Variants in IL1RAPL2 observed in about 807,000 individuals in gnomAD.
The protein encoded by IL1RAPL2 is X-linked interleukin-1 receptor accessory protein-like 2.
IL1RAPL2 carries 3 observed loss-of-function variants against 44.1 expected under a neutral mutation model. The observed-to-expected ratio is 0.07, with a 90% CI of 0.03 to 0.18. The LOEUF (loss-of-function observed/expected upper bound fraction) is 0.18. IL1RAPL2 is among the 10% of genes least tolerant of loss of function. The pLI is 1.00. For missense variants in IL1RAPL2, 391 were observed against 496.4 expected (o/e 0.79, Z 2.02); for synonymous variants, 181 against 178.8 (o/e 1.01, Z -0.10).
chrX:105,447,108 A>ATATATATAT lies in IL1RAPL2; in HGVS notation c.698-37205_698-37204insTATATATAT, dbSNP rs2035963967. 2.1e-3 allele frequency among the ~76,000 whole-genome samples: 43 copies of ATATATATAT among 20,585 alleles called. 2 individuals are homozygous for ATATATATAT. The highest frequency in any genetic ancestry group is 6.2e-3 in the African/African-American group (26 of 4,213). The allele number at this position is 20,585 out of a possible 115,157, so 17.9% of individuals were successfully genotyped here. A position where few individuals can be genotyped will look rare whatever the true frequency, so the allele number is the denominator to read the frequency against. ...ATATATATATATATATATATATATA[A>ATATATATAT]AAATATATATAAATATAAATATATA... On this transcript the variant is annotated intron_variant, in intron 5 of 10. Coordinates refer to ENST00000372582, the MANE Select transcript of IL1RAPL2 (RefSeq NM_017416.2).
chrX:105,076,686 T>C (rs1299828281), intron 2 of IL1RAPL2, among the ~76,000 whole-genome samples: 1 of 111,450 alleles, frequency 9.0e-6, no homozygotes, highest in Non-Finnish European at 1.9e-5. Context: ...CTAAGTCTCT[T>C]TGTAGGTCAC....
chrX:105,518,196 G>A (rs994365750), intron 6 of IL1RAPL2, among the ~76,000 whole-genome samples: 1 of 110,136 alleles, frequency 9.1e-6, no homozygotes, highest in African/African-American at 3.3e-5. Context: ...ATATAGACTA[G>A]ACTCCTGGGT....
chrX:104,985,058 A>G (rs2030534215), intron 2 of IL1RAPL2, among the ~76,000 whole-genome samples: 1 of 108,531 alleles, frequency 9.2e-6, no homozygotes, highest in African/African-American at 3.3e-5. Context: ...ATTAAAGCAT[A>G]GTGCTTGTTT....
chrX:105,129,718 A>G (rs1473911603), intron 2 of IL1RAPL2, among the ~76,000 whole-genome samples: 1 of 110,617 alleles, frequency 9.0e-6, no homozygotes, highest in African/African-American at 3.3e-5. Flanking sequence ...ATGCAGCCCA[A>G]TACCACAAGC....
chrX:105,462,144 G>A (rs2036097664), intron 5 of IL1RAPL2, among the ~76,000 whole-genome samples: 1 of 110,530 alleles, frequency 9.0e-6, no homozygotes, highest in South Asian at 3.8e-4. Context: ...CTCATTACTG[G>A]GCTGCTTAGT....
At chrX:105,705,689 A>G (rs983727617) in intron 6 of IL1RAPL2, among the ~76,000 whole-genome samples, 1 of 111,919 alleles carries the variant, frequency 8.9e-6, no homozygotes, top group African/African-American at 3.2e-5. Context: ...AAAACAAGTG[A>G]TAAGAAAACT....
intron 2 of IL1RAPL2, among the ~76,000 whole-genome samples, chrX:105,072,742 A>G: frequency 9.0e-6 from 1 of 110,930 alleles, no homozygotes; most frequent in Non-Finnish European, 1.9e-5. Context: ...TGCACCCATC[A>G]ACCAGTCATC....
chrX:105,584,844 A>G (rs1490234296), intron 6 of IL1RAPL2, among the ~76,000 whole-genome samples: 2 of 110,744 alleles, frequency 1.8e-5, no homozygotes, highest in African/African-American at 6.5e-5. Flanking sequence ...TTTTTTTTCA[A>G]TGTTTTTTGT....
chrX:105,572,899 T>G (rs1260532596), intron 6 of IL1RAPL2, among the ~76,000 whole-genome samples: 4 of 112,031 alleles, frequency 3.6e-5, no homozygotes, highest in Admixed American at 9.5e-5. Flanking sequence ...TTGAACATAT[T>G]TTGATATTGT....
intron 4 of IL1RAPL2, among the ~76,000 whole-genome samples, chrX:105,247,603 ATGTG>A (rs10588244): frequency 0.033 from 3,114 of 94,957 alleles, 45 homozygotes; most frequent in African/African-American, 0.048. Flanking sequence ...ATATATATAT[ATGTG>A]TGTGTGTGTG....
chrX:105,685,405 T>G (rs1266036255), intron 6 of IL1RAPL2, among the ~76,000 whole-genome samples: 2 of 112,022 alleles, frequency 1.8e-5, no homozygotes, highest in Non-Finnish European at 3.8e-5. Context: ...GATTTCATGA[T>G]GCATGCGGAA....
At chrX:105,667,566 CCTGA>C (rs2037781048) in intron 6 of IL1RAPL2, among the ~76,000 whole-genome samples, 2 of 111,571 alleles carry the variant, frequency 1.8e-5, no homozygotes, top group South Asian at 3.7e-4. Flanking sequence ...TTGATCAATA[CCTGA>C]CTGAGAATTC....
chrX:105,292,418 ATC>A, intron 5 of IL1RAPL2, among the ~76,000 whole-genome samples: 1 of 112,132 alleles, frequency 8.9e-6, no homozygotes, highest in Non-Finnish European at 1.9e-5. Context: ...ATCGAAGAAG[ATC>A]ATCCACACTT....
intron 5 of IL1RAPL2, among the ~76,000 whole-genome samples, chrX:105,301,918 G>A (rs1271732857): frequency 8.9e-6 from 1 of 111,852 alleles, no homozygotes; most frequent in Non-Finnish European, 1.9e-5. Context: ...CTCTAGATTT[G>A]TCCTTTCAAG....
chrX:105,477,977 G>A (rs939450633), intron 5 of IL1RAPL2, among the ~76,000 whole-genome samples: 8 of 111,047 alleles, frequency 7.2e-5, no homozygotes, highest in African/African-American at 2.6e-4. Context: ...TTTTATTAAT[G>A]GATGTGTGTG....
chrX:105,106,006 G>A (rs926925156), intron 2 of IL1RAPL2, among the ~76,000 whole-genome samples: 3 of 111,425 alleles, frequency 2.7e-5, no homozygotes, highest in Non-Finnish European at 5.6e-5. Flanking sequence ...AAGACAGGTA[G>A]GCAGAATGAA....
At position 105,767,629 on chromosome X, in the gene IL1RAPL2, A is replaced by G. The variant is rs968362416; in HGVS notation, c.2029A>G (p.Lys677Glu). The G allele has an allele frequency of 8.3e-7, 1 of 1,208,466 alleles. No individual in the cohort carries two copies. Among genetic ancestry groups the G allele is most frequent in the Non-Finnish European group, 1.1e-6 (1 of 892,701 alleles). The change falls in exon 11 of 11, where the codon AAA (lysine) becomes GAA (glutamate). Residue 677 changes from lysine (K) to glutamate (E), a missense_variant. Lys to Glu is a moderately conservative substitution (Grantham distance 56, BLOSUM62 1). Around this residue, in one of 2 missense-constraint regions of IL1RAPL2, gnomAD observed 232 missense variants for 244.8 expected, o/e 0.95. Transcript: ENST00000372582. ...CAGTTCTTTGCTGCCTTTATCCTCC[A>G]AAGAGCTTAGCTTTACCAGTGATAT... ...RNSSLLPLSS[K>E]ELSFTSDIW
chrX:104,796,007 G>T (rs1352722761), intron 2 of IL1RAPL2, among the ~76,000 whole-genome samples: 1 of 112,160 alleles, frequency 8.9e-6, no homozygotes, highest in African/African-American at 3.2e-5. Context: ...GTTATGCTAA[G>T]CTCAGCTATA....
At chrX:105,208,144 G>C (rs781904760) in intron 3 of IL1RAPL2, among the ~76,000 whole-genome samples, 1 of 111,005 alleles carries the variant, frequency 9.0e-6, no homozygotes, top group East Asian at 2.8e-4. Context: ...TTATCGAGGC[G>C]TTTTTTTCTG....
Sources: gnomAD v4.1 joint callset for allele counts (sites outside exome capture counted in the v4.1 genomes callset) on GRCh38, gnomAD v4.1.1 for gene constraint, gnomAD v4.1.1 regional missense constraint, MANE v1.5 for transcripts, NCBI Gene and HGNC (gene_info 2026-07-23, HGNC 2026-07-21) for gene names.